Variants in PTBP3 observed in about 807,000 individuals in gnomAD.
PTBP3 encodes polypyrimidine tract binding protein 3.
Under a neutral mutation model 58.7 loss-of-function variants are expected in PTBP3, and 20 were observed. The ratio of observed to expected loss-of-function variants is 0.34; its 90% CI spans 0.24 to 0.50. PTBP3 has a LOEUF of 0.50. Among genes scored for constraint, PTBP3 ranks in the 20% least tolerant of loss-of-function variants. The pLI is 0.98. For synonymous variants in PTBP3, 185 were observed against 219.8 expected, an observed-to-expected ratio of 0.84 and a Z score of 1.40; for missense variants, 509 against 637.2, an observed-to-expected ratio of 0.80 and a Z score of 2.17.
At chr9:112,234,991 A>T in intron 7 of PTBP3, 94 bp from the exon 8 acceptor site, 1 of 1,010,452 alleles carries the variant, frequency 9.9e-7, no homozygotes, top group Non-Finnish European at 1.5e-6. Flanking sequence ...TATATTACTA[A>T]CAAAGAGATT....
rs756166244 is a variant in PTBP3 at position 112,297,861 on chromosome 9, T to G, written c.5A>C (p.Asn2Thr). MNSSTPSTGVYA... is the reference protein window; with the variant it reads MTSSTPSTGVYA... Reference sequence around the variant, plus strand: ...CACACCTGTAGAAGGAGTAGAACTATTCATGGTAAAAGGTCCGTTAATGAT... The same window carrying G: ...CACACCTGTAGAAGGAGTAGAACTAGTCATGGTAAAAGGTCCGTTAATGAT... The change falls in exon 2 of 14, where the codon AAT becomes ACT. Residue 2 changes from asparagine (N) to threonine (T), a missense_variant. Asn to Thr is a moderately conservative substitution (Grantham distance 65, BLOSUM62 0). Transcript: ENST00000374257. 1 of 1,609,640 alleles carries G rather than the reference T, an allele frequency of 6.2e-7. No homozygotes were observed. Among genetic ancestry groups the G allele is most frequent in the East Asian group, 2.2e-5 (1 of 44,668 alleles).
intron 5 of PTBP3, among the ~76,000 whole-genome samples, chr9:112,254,188 G>A (rs945257244): frequency 2.6e-5 from 4 of 152,136 alleles, no homozygotes; most frequent in Non-Finnish European, 4.4e-5. Flanking sequence ...GTCTCACTAT[G>A]TTGGCCAGGC....
intron 1 of PTBP3, among the ~76,000 whole-genome samples, chr9:112,320,312 A>ATTTTT (rs1211297585): frequency 2.1e-5 from 1 of 47,630 alleles, no homozygotes; most frequent in Non-Finnish European, 3.7e-5. Flanking sequence ...ATATATATAT[A>ATTTTT]TATTTTTTTT....
chr9:112,364,174 G>GTTTT, the PTBP3 span, among the ~76,000 whole-genome samples: 1 of 79,844 alleles, frequency 1.3e-5, no homozygotes, highest in African/African-American at 5.0e-5. Context: ...TGCTAGGTCA[G>GTTTT]TTCTTTTTTT....
chr9:112,223,409 T>TTTA lies in PTBP3; in HGVS notation c.*441_*442insTAA. The TTTA allele has an allele frequency of 1.1e-6, 1 of 933,194 alleles. No individual in the cohort carries two copies. 57.8% of individuals were successfully genotyped at this position (933,194 alleles called of 1,614,324 possible). A position where few individuals can be genotyped will look rare whatever the true frequency, so the allele number is the denominator to read the frequency against. ...AGGGTCAGACTTCTGATTCATAAGG[T>TTTA]TAATAACTTGGTCATAAGTGATTTA... On this transcript the variant is annotated 3_prime_UTR_variant, in exon 14 of 14. Transcript: ENST00000374257.
At chr9:112,364,450 G>C in the PTBP3 span, among the ~76,000 whole-genome samples, 4 of 152,088 alleles carry the variant, frequency 2.6e-5, no homozygotes, top group Non-Finnish European at 4.4e-5. Flanking sequence ...TTTGAGCCAG[G>C]AGTTCAAGAC....
At chr9:112,233,630 T>A (rs766591683) in intron 8 of PTBP3, among the ~76,000 whole-genome samples, 1 of 151,994 alleles carries the variant, frequency 6.6e-6, no homozygotes, top group Non-Finnish European at 1.5e-5. Flanking sequence ...ATCCTCTCCA[T>A]CAAAAAGAGA....
intron 5 of PTBP3, among the ~76,000 whole-genome samples, chr9:112,253,849 T>C (rs1441803210): frequency 6.6e-6 from 1 of 152,194 alleles, no homozygotes; most frequent in Non-Finnish European, 1.5e-5. Context: ...TCCCCAGCCA[T>C]GCAGAACTGT....
chr9:112,316,081 G>A (rs1829691756), intron 1 of PTBP3, among the ~76,000 whole-genome samples: 1 of 152,126 alleles, frequency 6.6e-6, no homozygotes, highest in Non-Finnish European at 1.5e-5. Flanking sequence ...TTAATAGACA[G>A]TACTCTGGAA....
intron 1 of PTBP3, among the ~76,000 whole-genome samples, chr9:112,304,798 T>A (rs2132348649): frequency 6.6e-6 from 1 of 152,312 alleles, no homozygotes; most frequent in African/African-American, 2.4e-5. Flanking sequence ...TGATCGCTTA[T>A]TTTTTATTTT....
At chr9:112,370,327 A>T in the PTBP3 span, among the ~76,000 whole-genome samples, 1 of 152,148 alleles carries the variant, frequency 6.6e-6, no homozygotes, top group Non-Finnish European at 1.5e-5. Context: ...GGATTACTTG[A>T]GCTCAGGAGT....
At position 112,333,556 on chromosome 9, in the gene PTBP3, G is replaced by A. The variant is rs1830477576; in HGVS notation, c.-138C>T. 6.6e-7 allele frequency: 1 copy of A among 1,520,972 alleles called. No homozygotes were observed. The highest frequency in any genetic ancestry group is 1.2e-5 in the South Asian group (1 of 84,770). 94.2% of individuals were successfully genotyped at this position (1,520,972 alleles called of 1,614,324 possible). ...AGGAAGCAGGCGGCGGCAGCAGGGC[G>A]GTTCCGGGGACAAGCGAGCTTTGGC... On this transcript the variant is annotated 5_prime_UTR_variant, in exon 1 of 14. Transcript: ENST00000374257.
At position 112,297,930 on chromosome 9, in the gene PTBP3, C is replaced by T. The variant is rs369658215; in HGVS notation, c.-51-14G>A. The T allele has an allele frequency of 2.8e-5, 45 of 1,598,800 alleles. No individual in the cohort carries two copies. The highest frequency in any genetic ancestry group is 9.4e-5 in the African/African-American group (7 of 74,076). On this transcript the variant is annotated splice_polypyrimidine_tract_variant and intron_variant, in intron 1 of 13. Transcript: ENST00000374257. ...ATCAGATCCCCGCTGAAAAGCAAAACCAATGTTTGGTTAATAAACCAAGTT... is the reference window on the plus strand; with the variant it reads ...ATCAGATCCCCGCTGAAAAGCAAAATCAATGTTTGGTTAATAAACCAAGTT...
Position 112,297,842 on chromosome 9 carries a change from T to G in PTBP3, c.24A>C (p.Thr8=). The G allele has an allele frequency of 6.3e-7, 1 of 1,591,814 alleles. No individual in the cohort carries two copies. The change falls in exon 2 of 14, where the codon ACA becomes ACC. Residue 8 remains threonine, a synonymous_variant. Transcript: ENST00000374257. ...AAAAAAAAAACTCACCATACACACC[T>G]GTAGAAGGAGTAGAACTATTCATGG... MNSSTPS[T]GVYANGNDSK... is the part of the protein sequence containing the mutation.
chr9:112,347,417 T>C, the PTBP3 span, among the ~76,000 whole-genome samples: 1 of 150,834 alleles, frequency 6.6e-6, no homozygotes, highest in Non-Finnish European at 1.5e-5. Flanking sequence ...CATGGCTAAC[T>C]GCAGCCTTGA....
At chr9:112,316,170 G>A (rs754626429) in intron 1 of PTBP3, among the ~76,000 whole-genome samples, 1 of 152,096 alleles carries the variant, frequency 6.6e-6, no homozygotes, top group Non-Finnish European at 1.5e-5. Flanking sequence ...GACTTCTAAG[G>A]TGGTGCCAAA....
the PTBP3 span, among the ~76,000 whole-genome samples, chr9:112,359,256 C>T: frequency 7.3e-5 from 11 of 151,564 alleles, no homozygotes; most frequent in South Asian, 1.3e-3. Context: ...GCCTGGCCAA[C>T]GTGGTGAAAC....
At chr9:112,342,147 A>G in the PTBP3 span, among the ~76,000 whole-genome samples, 1 of 152,182 alleles carries the variant, frequency 6.6e-6, no homozygotes, top group Non-Finnish European at 1.5e-5. Context: ...CTGCCCTTAG[A>G]CATAAGAACT....
At chr9:112,326,070 G>GATT (rs535466581) in intron 1 of PTBP3, among the ~76,000 whole-genome samples, 6 of 152,126 alleles carry the variant, frequency 3.9e-5, no homozygotes, top group Non-Finnish European at 7.3e-5. Context: ...CAGAAGAGCT[G>GATT]CCTAAACTGG....
Sources: gnomAD v4.1 joint callset for allele counts (sites outside exome capture counted in the v4.1 genomes callset) on GRCh38, gnomAD v4.1.1 for gene constraint, MANE v1.5 for transcripts, NCBI Gene and HGNC (gene_info 2026-07-23, HGNC 2026-07-21) for gene names.